NAV2: variants seen among roughly 807,000 people sequenced by gnomAD.
The protein encoded by NAV2 is helicase, APC down-regulated 1.
NAV2 carries 54 observed loss-of-function variants against 223.2 expected under a neutral mutation model. The observed-to-expected ratio is 0.24, with a 90% CI of 0.19 to 0.30. The LOEUF is 0.30. NAV2 is among the 10% of genes least tolerant of loss of function. NAV2 has a pLI of 1.00. For synonymous variants in NAV2, 1,279 were observed against 1,239.3 expected (o/e 1.03, Z -0.67); for missense variants, 2,806 against 3,147.5 (o/e 0.89, Z 2.60).
chr11:19,548,396 C>A (rs1461096688), intron 1 of NAV2, among the ~76,000 whole-genome samples: 1 of 152,126 alleles, frequency 6.6e-6, no homozygotes, highest in African/African-American at 2.4e-5. Flanking sequence ...GAGGGCGAGC[C>A]TGTGCTTACC....
intron 11 of NAV2, among the ~76,000 whole-genome samples, chr11:19,993,271 A>C (rs1246665903): frequency 6.6e-6 from 1 of 152,212 alleles, no homozygotes; most frequent in Non-Finnish European, 1.5e-5. Flanking sequence ...TTTGTACATC[A>C]TTCTCACTCT....
rs1461465759 is a variant in NAV2 at position 19,939,693 on chromosome 11, C to T, written c.2066C>T (p.Ala689Val). 6.2e-7 allele frequency: 1 copy of T among 1,613,996 alleles called. No homozygotes were observed. The highest frequency in any genetic ancestry group is 1.3e-5 in the African/African-American group (1 of 74,912). The change falls in exon 8 of 38, where the codon GCC becomes GTC. Residue 689 changes from alanine (A) to valine (V), a missense_variant. Around this residue, in one of 4 missense-constraint regions of NAV2, gnomAD observed 1,167 missense variants for 1,180.5 expected, o/e 0.99. Coordinates refer to ENST00000349880, the MANE Select transcript of NAV2 (RefSeq NM_145117.5). ...ACGGACACTGAAGGGAATGTTACTGCCGAGTCAAGCTCAACAGGTGTGAGC... is the reference window on the plus strand; with the variant it reads ...ACGGACACTGAAGGGAATGTTACTGTCGAGTCAAGCTCAACAGGTGTGAGC... ...SQTDTEGNVT[A>V]ESSSTGVSVE...
At position 19,652,803 on chromosome 11, in the gene NAV2, A is replaced by G. The variant is rs139577793; in HGVS notation, c.76-179681A>G. Among the ~76,000 whole-genome samples, 637 of 152,344 alleles carry G rather than the reference A, an allele frequency of 4.2e-3. 2 individuals carry two copies. The highest frequency in any genetic ancestry group is 0.014 in the African/African-American group (593 of 41,582). On this transcript the variant is annotated intron_variant, in intron 1 of 37. Transcript: ENST00000360655. ...TAAATGGAACCATCCCATACATAGC[A>G]TTCTCCACCTTGCTTTTACACTTGG...
intron 6 of NAV2, among the ~76,000 whole-genome samples, chr11:19,895,815 T>C (rs2041930326): frequency 2.0e-5 from 3 of 152,200 alleles, no homozygotes; most frequent in Admixed American, 2.0e-4. Context: ...CCTTTTTCCT[T>C]GGTTTCCCTT....
chr11:19,646,665 G>A (rs77985521), intron 1 of NAV2, among the ~76,000 whole-genome samples: 4 of 152,216 alleles, frequency 2.6e-5, no homozygotes, highest in Non-Finnish European at 5.9e-5. Context: ...CTGGCCAGAG[G>A]CAGGTAATCA....
At chr11:20,059,394 C>T (rs1384941540) in intron 19 of NAV2, among the ~76,000 whole-genome samples, 1 of 152,170 alleles carries the variant, frequency 6.6e-6, no homozygotes, top group Non-Finnish European at 1.5e-5. Flanking sequence ...CCTGCAGATT[C>T]TCTGTGATGA....
rs746612321 is a variant in NAV2, at chr11:20,091,092, C to T, written c.5652+74C>T. 682 of 1,524,160 alleles carry T rather than the reference C, an allele frequency of 4.5e-4. 1 individual carries two copies. The highest frequency in any genetic ancestry group is 5.7e-4 in the Non-Finnish European group (635 of 1,119,236). 94.4% of individuals were successfully genotyped at this position (1,524,160 alleles called of 1,614,324 possible). On this transcript the variant is annotated intron_variant, in intron 27 of 37. Transcript: ENST00000349880. ...CTCCCAGAGGCTGCTCTCCACTAAG[C>T]CCTGAGGGCTGCATCAGAATCTGGT...
In NAV2 at chr11:19,713,325, G is replaced by A. The variant is rs2049998823; in HGVS notation, c.-371G>A. The stretch of plus-strand genomic sequence containing the variant: ...AAAGGGGCCTCCTCACTTCGGAGAT[G>A]CAGTGACAAGTTAATATGGGCGTCC... On this transcript the variant is annotated 5_prime_UTR_variant, in exon 1 of 38. The change abolishes an upstream ATG in the 5' untranslated region. Coordinates refer to ENST00000349880, the MANE Select transcript of NAV2 (RefSeq NM_145117.5). This position sits in a 1 kb window ranked among gnomAD's most constrained non-coding sequence, Gnocchi z 7.2. The A allele has an allele frequency of 8.4e-6, 9 of 1,075,792 alleles. No individual in the cohort carries two copies. The South Asian group carries it at 2.7e-4, about 32-fold the overall frequency. The allele number at this position is 1,075,792 out of a possible 1,614,324, so 66.6% of individuals were successfully genotyped here.
At chr11:20,009,135 C>T (rs2053349563) in intron 11 of NAV2, among the ~76,000 whole-genome samples, 1 of 151,880 alleles carries the variant, frequency 6.6e-6, no homozygotes, top group Non-Finnish European at 1.5e-5. Context: ...GATGAAGCTG[C>T]AAAACAAAAA....
At chr11:20,077,804 A>G (rs1433546449) in intron 23 of NAV2, among the ~76,000 whole-genome samples, 169 bp downstream of exon 23, 2 of 152,230 alleles carry the variant, frequency 1.3e-5, no homozygotes, top group Admixed American at 6.5e-5. Flanking sequence ...CAGATTGATA[A>G]TGGCATCAAT....
intron 10 of NAV2, among the ~76,000 whole-genome samples, chr11:19,968,183 G>A (rs965961787): frequency 6.6e-6 from 1 of 151,920 alleles, no homozygotes; most frequent in African/African-American, 2.4e-5. Flanking sequence ...TGTTGTTGTT[G>A]ATGTAGTTTT....
At chr11:19,993,893 T>C (rs2051594433) in intron 11 of NAV2, among the ~76,000 whole-genome samples, 2 of 152,250 alleles carry the variant, frequency 1.3e-5, no homozygotes, top group South Asian at 4.1e-4. Context: ...GCACCTACTA[T>C]GCAACGGGCT....
At chr11:19,986,620 C>A (rs754835679) in intron 11 of NAV2, among the ~76,000 whole-genome samples, 1 of 152,164 alleles carries the variant, frequency 6.6e-6, no homozygotes, top group Non-Finnish European at 1.5e-5. Flanking sequence ...CAGAGTGAGA[C>A]TCAGTCTCAA....
In NAV2 at chr11:19,618,533, GA is replaced by G. The variant is rs879542942; in HGVS notation, c.76-213950del. ...GGATGGATGGATGGATGGATGGATG[GA>G]TGGATGGGTCCCTGGTGACTCAAGG... On this transcript the variant is annotated intron_variant, in intron 1 of 37. Transcript: ENST00000360655. Among the ~76,000 whole-genome samples the G allele has an allele frequency of 4.4e-3, 662 of 152,034 alleles. 1 individual carries two copies. The highest frequency in any genetic ancestry group is 7.5e-3 in the Non-Finnish European group (513 of 67,982).
intron 1 of NAV2, among the ~76,000 whole-genome samples, chr11:19,565,188 A>AT: frequency 6.6e-6 from 1 of 152,140 alleles, no homozygotes; most frequent in East Asian, 1.9e-4. Context: ...TGTGCCCAGT[A>AT]TGTTGCCGGG....
At chr11:19,737,314 G>A (rs950198075) in intron 1 of NAV2, among the ~76,000 whole-genome samples, 2 of 152,184 alleles carry the variant, frequency 1.3e-5, no homozygotes, top group South Asian at 2.1e-4. Context: ...ATTATACACC[G>A]TCTATATACC....
intron 4 of NAV2, among the ~76,000 whole-genome samples, chr11:19,878,368 G>T (rs947956745): frequency 2.0e-5 from 3 of 152,206 alleles, no homozygotes; most frequent in Non-Finnish European, 2.9e-5. Flanking sequence ...TTTAAAGTGT[G>T]CTTTTGCCTA....
At chr11:19,369,167 T>C (rs773779074) in intron 1 of NAV2, among the ~76,000 whole-genome samples, 5 of 152,322 alleles carry the variant, frequency 3.3e-5, no homozygotes, top group African/African-American at 4.8e-5. Flanking sequence ...GATGTAATTA[T>C]GGTTCTTTAA....
intron 1 of NAV2, among the ~76,000 whole-genome samples, chr11:19,790,392 C>A (rs918041385): frequency 2.6e-5 from 4 of 152,194 alleles, no homozygotes; most frequent in Admixed American, 2.6e-4. Flanking sequence ...ACTTCCAGCC[C>A]AGGGCATTTT....
Sources: allele counts gnomAD v4.1 joint callset (sites outside exome capture counted in the v4.1 genomes callset), GRCh38; gene constraint gnomAD v4.1.1; regional missense constraint gnomAD v4.1.1; non-coding constraint Gnocchi (gnomAD v3.1); transcripts MANE v1.5; gene names NCBI Gene and HGNC (gene_info 2026-07-23, HGNC 2026-07-21).